KLF2: variants seen among roughly 807,000 people sequenced by gnomAD.
KLF2 encodes KLF transcription factor 2.
A neutral mutation model predicts 22.2 loss-of-function variants in KLF2; 9 were observed. That is an observed-to-expected ratio of 0.40 (90% CI 0.24 to 0.71). The LOEUF is 0.71. KLF2 is among the 30% of genes least tolerant of loss of function. The pLI is 0.35. For synonymous variants in KLF2, 299 were observed against 264.2 expected (o/e 1.13, Z -1.28); for missense variants, 481 against 542.1 (o/e 0.89, Z 1.12).
chr19:16,326,153 G>A (rs2091889456), intron 2 of KLF2, 121 bp downstream of exon 2: 8 of 999,088 alleles, frequency 8.0e-6, no homozygotes, highest in Non-Finnish European at 9.9e-6. Flanking sequence ...AGGGGGATCT[G>A]GCAGGTGGTG....
chr19:16,326,037 G>A lies in KLF2; in HGVS notation c.892+5G>A. ...CGCATCTGCGCACGCACACAGGTGG[G>A]CGGCACGCACGAGCCAGGAGCGCAG... On this transcript the variant is annotated splice_donor_5th_base_variant and intron_variant, in intron 2 of 2. Coordinates refer to ENST00000248071, the MANE Select transcript of KLF2 (RefSeq NM_016270.4). 6.5e-7 allele frequency: 1 copy of A among 1,543,682 alleles called. No homozygotes were observed. The highest frequency in any genetic ancestry group is 1.2e-5 in the South Asian group (1 of 84,182).
chr19:16,324,982 A>T lies in KLF2; in HGVS notation c.59A>T (p.Glu20Val), dbSNP rs996742917. 1 of 1,599,924 alleles carries T rather than the reference A, an allele frequency of 6.3e-7. No homozygotes were observed. The highest frequency in any genetic ancestry group is 8.5e-7 in the Non-Finnish European group (1 of 1,174,642). ...TCCACTTTCGCCAGCCCGTGCCGCG[A>T]GCGCGGCCTGCAGGAGGTGAGGGCG... ...SFSTFASPCRERGLQERWPRA... is the reference protein window; with the variant it reads ...SFSTFASPCRVRGLQERWPRA... Residue 20 changes from glutamate (E) to valine (V), a missense_variant, in exon 1 of 3, where the codon GAG (glutamate) becomes GTG (valine). Coordinates refer to ENST00000248071, the MANE Select transcript of KLF2 (RefSeq NM_016270.4).
Position 16,325,745 on chromosome 19 carries a change from TCGGCGCGCC to T in KLF2, c.609_617del (p.Ala204_Gly206del). 1 of 1,219,830 alleles carries T rather than the reference TCGGCGCGCC, an allele frequency of 8.2e-7. No individual in the cohort carries two copies. The highest frequency in any genetic ancestry group is 4.5e-5 in the Admixed American group (1 of 22,464). The allele number at this position is 1,219,830 out of a possible 1,614,324, so 75.6% of individuals were successfully genotyped here. ...CCGCCGCCTTTCGGTGGCCCTGGTT[TCGGCGCGCC>T]CGGGCCCGGCCTGCATTACGCGCCG... On this transcript the variant is annotated inframe_deletion, in exon 2 of 3. Transcript: ENST00000248071.
chr19:16,326,783 C>G, intron 2 of KLF2, 73 bp from the exon 3 acceptor site: 1 of 1,479,998 alleles, frequency 6.8e-7, no homozygotes, highest in Non-Finnish European at 9.2e-7. Context: ...GGATAGGTTG[C>G]GCTCGCCGGG....
At chr19:16,326,126 C>G (rs1473881746) in intron 2 of KLF2, 94 bp downstream of exon 2, 18 of 1,246,930 alleles carry the variant, frequency 1.4e-5, no homozygotes, top group Non-Finnish European at 1.9e-5. Context: ...TTTAGGACCT[C>G]CCTTGGGGCG....
chr19:16,325,210 C>T lies in KLF2; in HGVS notation c.76-6C>T, dbSNP rs1352247712. On this transcript the variant is annotated splice_region_variant and splice_polypyrimidine_tract_variant and intron_variant, in intron 1 of 2. Transcript: ENST00000248071. The stretch of plus-strand genomic sequence containing the variant: ...CCGCTCACGCCCATTGCCCTGTCGC[C>T]CGCAGCGCTGGCCGCGCGCCGAACC... The T allele has an allele frequency of 6.6e-7, 1 of 1,514,258 alleles. No homozygotes were observed. The highest frequency in any genetic ancestry group is 8.8e-7 in the Non-Finnish European group (1 of 1,136,514). 93.8% of individuals were successfully genotyped at this position (1,514,258 alleles called of 1,614,324 possible). A position where few individuals can be genotyped will look rare whatever the true frequency, so the allele number is the denominator to read the frequency against.
chr19:16,325,511 A>G lies in KLF2; in HGVS notation c.371A>G (p.Glu124Gly). The G allele has an allele frequency of 7.7e-7, 1 of 1,291,692 alleles. No homozygotes were observed. Among genetic ancestry groups the G allele is most frequent in the Non-Finnish European group, 9.8e-7 (1 of 1,023,550 alleles). 80.0% of individuals were successfully genotyped at this position (1,291,692 alleles called of 1,614,324 possible). ...LAPPGRLVKAEPPEADGGGGY... is the reference protein window; with the variant it reads ...LAPPGRLVKAGPPEADGGGGY... ...CCGCCCGGCCGCCTGGTCAAGGCCGAGCCCCCTGAAGCGGACGGCGGCGGC... is the reference window on the plus strand; with the variant it reads ...CCGCCCGGCCGCCTGGTCAAGGCCGGGCCCCCTGAAGCGGACGGCGGCGGC... Residue 124 changes from glutamate (E) to glycine (G), a missense_variant, in exon 2 of 3, where the codon GAG becomes GGG. By Grantham distance (98) the Glu-to-Gly change is moderately conservative. Coordinates refer to ENST00000248071, the MANE Select transcript of KLF2 (RefSeq NM_016270.4).
rs1160125150 is a variant in KLF2, at chr19:16,327,888, T to C, written c.*857T>C. 1 of 152,150 alleles carries C rather than the reference T, an allele frequency of 6.6e-6. No homozygotes were observed. Among genetic ancestry groups the C allele is most frequent in the African/African-American group, 2.4e-5 (1 of 41,370 alleles). 9.4% of individuals were successfully genotyped at this position (152,150 alleles called of 1,614,324 possible). ...CTCTTCCTGGAAGCCTCTGAGGTTTTAGCCAAATTTCTGGAGTGCCAGCTC... is the reference window on the plus strand; with the variant it reads ...CTCTTCCTGGAAGCCTCTGAGGTTTCAGCCAAATTTCTGGAGTGCCAGCTC... On this transcript the variant is annotated 3_prime_UTR_variant, in exon 3 of 3. Transcript: ENST00000248071.
In KLF2 at chr19:16,325,246, G is replaced by A. The variant is rs1460062679; in HGVS notation, c.106G>A (p.Gly36Ser). The change falls in exon 2 of 3, where the codon GGC becomes AGC. Residue 36 changes from glycine (G) to serine (S), a missense_variant. Physicochemically the swap from Gly to Ser is moderately conservative, Grantham distance 56. Coordinates refer to ENST00000248071, the MANE Select transcript of KLF2 (RefSeq NM_016270.4). Reference sequence around the variant, plus strand: ...GCCGCGCGCCGAACCCGAGTCCGGCGGCACCGACGACGACCTCAACAGCGT... The same window carrying A: ...GCCGCGCGCCGAACCCGAGTCCGGCAGCACCGACGACGACCTCAACAGCGT... ...RWPRAEPESGGTDDDLNSVLD... is the reference protein window; with the variant it reads ...RWPRAEPESGSTDDDLNSVLD... The A allele has an allele frequency of 5.8e-6, 9 of 1,539,556 alleles. No homozygotes were observed. Among genetic ancestry groups the A allele is most frequent in the African/African-American group, 5.7e-5 (4 of 70,032 alleles).
intron 1 of KLF2, 63 bp downstream of exon 1, chr19:16,325,061 C>A (rs1200400752): frequency 1.4e-6 from 2 of 1,430,808 alleles, no homozygotes; most frequent in East Asian, 2.6e-5. Flanking sequence ...GGTAGTAGAA[C>A]GTGGGCTGCG....
Position 16,327,035 on chromosome 19 carries a change from G to A in KLF2, c.*4G>A, listed in dbSNP as rs1465123904. 6.4e-7 allele frequency: 1 copy of A among 1,573,244 alleles called. No individual in the cohort carries two copies. Among genetic ancestry groups the A allele is most frequent in the Non-Finnish European group, 8.6e-7 (1 of 1,158,492 alleles). On this transcript the variant is annotated 3_prime_UTR_variant, in exon 3 of 3. Transcript: ENST00000248071. Reference sequence around the variant, plus strand: ...GCACATGAAACGGCACATGTAGCCGGGACGCCCCCGCCCACCTGCGCGCGG... The same window carrying A: ...GCACATGAAACGGCACATGTAGCCGAGACGCCCCCGCCCACCTGCGCGCGG...
chr19:16,325,974 C>G lies in KLF2; in HGVS notation c.834C>G (p.Gly278=), dbSNP rs887240402. The change falls in exon 2 of 3, where the codon GGC becomes GGG. Residue 278 remains glycine, a synonymous_variant. Coordinates refer to ENST00000248071, the MANE Select transcript of KLF2 (RefSeq NM_016270.4). ...CCACTCACACCTGCAGCTACGCGGG[C>G]TGCGGCAAGACCTACACCAAGAGTT... is the stretch of plus-strand genomic sequence containing the variant. ...RTATHTCSYA[G]CGKTYTKSSH... 4.1e-5 allele frequency: 64 copies of G among 1,550,660 alleles called. No homozygotes were observed. Among genetic ancestry groups the G allele is most frequent in the Non-Finnish European group, 5.5e-5 (63 of 1,148,728 alleles).
In KLF2 at chr19:16,325,959, C is replaced by G. The variant is rs1285735305; in HGVS notation, c.819C>G (p.Thr273=). ...CCCGCAAACGCACCGCCACTCACAC[C>G]TGCAGCTACGCGGGCTGCGGCAAGA... is the stretch of plus-strand genomic sequence containing the variant. ...SWPRKRTATH[T]CSYAGCGKTY... Residue 273 remains threonine, a synonymous_variant, in exon 2 of 3, where the codon ACC becomes ACG. Coordinates refer to ENST00000248071, the MANE Select transcript of KLF2 (RefSeq NM_016270.4). 9.1e-6 allele frequency: 14 copies of G among 1,546,950 alleles called. No homozygotes were observed. In the East Asian group the frequency reaches 3.5e-4, roughly 38 times the overall value.
chr19:16,325,258 G>A lies in KLF2; in HGVS notation c.118G>A (p.Asp40Asn), dbSNP rs775987539. The change falls in exon 2 of 3, where the codon GAC (aspartate) becomes AAC (asparagine). Residue 40 changes from aspartate to asparagine, a missense_variant. Asp to Asn is a conservative substitution (Grantham distance 23). This residue lies in a region of KLF2 where 421 missense variants were observed against 435.1 expected (regional missense o/e 0.97). Coordinates refer to ENST00000248071, the MANE Select transcript of KLF2 (RefSeq NM_016270.4). ...ACCCGAGTCCGGCGGCACCGACGAC[G>A]ACCTCAACAGCGTGCTGGACTTCAT... ...AEPESGGTDDDLNSVLDFILS... is the reference protein window; with the variant it reads ...AEPESGGTDDNLNSVLDFILS... The A allele has an allele frequency of 1.3e-6, 2 of 1,543,534 alleles. No homozygotes were observed. The highest frequency in any genetic ancestry group is 2.4e-5 in the South Asian group (2 of 84,378).
At position 16,325,435 on chromosome 19, in the gene KLF2, G is replaced by C; in HGVS notation, c.295G>C (p.Glu99Gln). The change falls in exon 2 of 3, where the codon GAG becomes CAG. Residue 99 changes from glutamate to glutamine, a missense_variant. Physicochemically the swap from Glu to Gln is conservative, Grantham distance 29. This residue lies in a region of KLF2 where 421 missense variants were observed against 435.1 expected (regional missense o/e 0.97). Coordinates refer to ENST00000248071, the MANE Select transcript of KLF2 (RefSeq NM_016270.4). ...GGLVSELLRPELDAPLGPALH... is the reference protein window; with the variant it reads ...GGLVSELLRPQLDAPLGPALH... ...CCTGGTGTCTGAGCTGCTGCGACCC[G>C]AGCTGGATGCGCCGCTGGGGCCCGC... 1 of 1,417,768 alleles carries C rather than the reference G, an allele frequency of 7.1e-7. No individual in the cohort carries two copies. Among genetic ancestry groups the C allele is most frequent in the Non-Finnish European group, 9.1e-7 (1 of 1,095,012 alleles). The allele number at this position is 1,417,768 out of a possible 1,614,324, so 87.8% of individuals were successfully genotyped here.
At chr19:16,326,728 A>T in intron 2 of KLF2, 128 bp from the exon 3 acceptor site, 5 of 902,910 alleles carry the variant, frequency 5.5e-6, no homozygotes, top group Admixed American at 2.6e-5. Flanking sequence ...AGGATCCCTC[A>T]GGGGCGCAAC....
Position 16,325,373 on chromosome 19 carries a change from C to T in KLF2, c.233C>T (p.Pro78Leu), listed in dbSNP as rs1467433986. The change falls in exon 2 of 3, where the codon CCC (proline) becomes CTC (leucine). Residue 78 changes from proline (P) to leucine (L), a missense_variant. Around this residue, in one of 2 missense-constraint regions of KLF2, gnomAD observed 421 missense variants for 435.1 expected, o/e 0.97. Coordinates refer to ENST00000248071, the MANE Select transcript of KLF2 (RefSeq NM_016270.4). ...PPPPAFYYPE[P>L]GAPPPYSAPA... is the part of the protein sequence containing the mutation. ...CCGCCTGCGTTCTATTACCCCGAAC[C>T]CGGCGCGCCCCCGCCCTACAGCGCC... is the stretch of plus-strand genomic sequence containing the variant. 1.0e-5 allele frequency: 15 copies of T among 1,432,146 alleles called. No homozygotes were observed. Among genetic ancestry groups the T allele is most frequent in the Non-Finnish European group, 1.4e-5 (15 of 1,104,570 alleles). The allele number at this position is 1,432,146 out of a possible 1,614,324, so 88.7% of individuals were successfully genotyped here. A position where few individuals can be genotyped will look rare whatever the true frequency, so the allele number is the denominator to read the frequency against.
chr19:16,325,373 C>A lies in KLF2; in HGVS notation c.233C>A (p.Pro78His). Residue 78 changes from proline to histidine, a missense_variant, in exon 2 of 3, where the codon CCC becomes CAC. Around this residue, in one of 2 missense-constraint regions of KLF2, gnomAD observed 421 missense variants for 435.1 expected, o/e 0.97. Transcript: ENST00000248071. ...CCGCCTGCGTTCTATTACCCCGAAC[C>A]CGGCGCGCCCCCGCCCTACAGCGCC... ...PPPPAFYYPE[P>H]GAPPPYSAPA... is the part of the protein sequence containing the mutation. 7.0e-7 allele frequency: 1 copy of A among 1,432,250 alleles called. No homozygotes were observed. Among genetic ancestry groups the A allele is most frequent in the Non-Finnish European group, 9.1e-7 (1 of 1,104,558 alleles). 88.7% of individuals were successfully genotyped at this position (1,432,250 alleles called of 1,614,324 possible). A position where few individuals can be genotyped will look rare whatever the true frequency, so the allele number is the denominator to read the frequency against.
Position 16,327,137 on chromosome 19 carries a change from C to T in KLF2, c.*106C>T. On this transcript the variant is annotated 3_prime_UTR_variant, in exon 3 of 3. Transcript: ENST00000248071. Reference sequence around the variant, plus strand: ...TATTTATTGGACCCAGAGAACCGGGCCGGGCACAGCGTGGCTACAGAGGGT... The same window carrying T: ...TATTTATTGGACCCAGAGAACCGGGTCGGGCACAGCGTGGCTACAGAGGGT... 1 of 1,136,578 alleles carries T rather than the reference C, an allele frequency of 8.8e-7. No individual in the cohort carries two copies. Among genetic ancestry groups the T allele is most frequent in the Admixed American group, 3.0e-5 (1 of 33,596 alleles). 70.4% of individuals were successfully genotyped at this position (1,136,578 alleles called of 1,614,324 possible).
Sources: gnomAD v4.1 joint callset for allele counts on GRCh38, gnomAD v4.1.1 for gene constraint, gnomAD v4.1.1 regional missense constraint, MANE v1.5 for transcripts, NCBI Gene and HGNC (gene_info 2026-07-23, HGNC 2026-07-21) for gene names.